Variants in HTR3C observed in about 807,000 individuals in gnomAD.
The protein encoded by HTR3C is 5-HT3-C.
Under a neutral mutation model 40.5 loss-of-function variants are expected in HTR3C, and 32 were observed. The ratio of observed to expected loss-of-function variants is 0.79; its 90% CI spans 0.60 to 1.06. The LOEUF (loss-of-function observed/expected upper bound fraction) is 1.06, where lower values mean the gene tolerates loss of function less well. Ranked by LOEUF, HTR3C falls within the 50% of genes least tolerant of loss-of-function variation. The pLI, the probability that HTR3C is intolerant of heterozygous loss-of-function variation, is 0.00. For synonymous variants in HTR3C, 209 were observed against 217.1 expected, an observed-to-expected ratio of 0.96 and a Z score of 0.33; for missense variants, 523 against 556.8, an observed-to-expected ratio of 0.94 and a Z score of 0.61.
In HTR3C at chr3:184,057,697, T is replaced by A. The variant is rs775560112; in HGVS notation, c.559+653T>A. Among the ~76,000 whole-genome samples the A allele has an allele frequency of 1.5e-4, 23 of 152,116 alleles. 1 individual carries two copies. Among genetic ancestry groups the A allele is most frequent in the Non-Finnish European group, 2.6e-4 (18 of 68,020 alleles). On this transcript the variant is annotated intron_variant, in intron 5 of 8. Coordinates refer to ENST00000318351, the MANE Select transcript of HTR3C (RefSeq NM_130770.3). The stretch of plus-strand genomic sequence containing the variant: ...TTGCAGTGAGCCGAGACTGCACCAC[T>A]GCACTCCAGCCTGGGCGACAGAGCG...
chr3:184,058,298 A>G (rs1723371018), intron 5 of HTR3C, 129 bp from the exon 6 acceptor site: 1 of 881,038 alleles, frequency 1.1e-6, no homozygotes, highest in Non-Finnish European at 1.6e-6. Context: ...CTTCTGAGAA[A>G]ACCAGGATAC....
chr3:184,053,326 C>A (rs1263587906), intron 1 of HTR3C, among the ~76,000 whole-genome samples, 179 bp downstream of exon 1: 2 of 152,232 alleles, frequency 1.3e-5, no homozygotes, highest in South Asian at 4.1e-4. Context: ...TGCACACAGA[C>A]TTTCTCTGTT....
intron 1 of HTR3C, 122 bp downstream of exon 1, chr3:184,053,269 T>A: frequency 1.4e-6 from 1 of 712,220 alleles, no homozygotes. Flanking sequence ...AATGTCTGTG[T>A]CCTGATTTCC....
intron 5 of HTR3C, 97 bp downstream of exon 5, chr3:184,057,141 A>T: frequency 1.2e-6 from 1 of 860,250 alleles, no homozygotes; most frequent in Non-Finnish European, 1.7e-6. Context: ...GTGTTGCTCC[A>T]CTCCGGTGGC....
intron 5 of HTR3C, among the ~76,000 whole-genome samples, chr3:184,057,807 G>A (rs1209771426): frequency 6.6e-6 from 1 of 152,172 alleles, no homozygotes; most frequent in East Asian, 1.9e-4. Flanking sequence ...CCCAGATGCC[G>A]ATTAAATTGT....
intron 1 of HTR3C, 60 bp downstream of exon 1, chr3:184,053,207 C>T (rs1723258823): frequency 1.7e-6 from 2 of 1,205,406 alleles, no homozygotes; most frequent in Non-Finnish European, 2.5e-6. Flanking sequence ...CCTGGACTCA[C>T]CTCTAGCACT....
Position 184,058,425 on chromosome 3 carries a change from AG to A in HTR3C, c.560-1del, listed in dbSNP as rs1723375011. On this transcript the variant is annotated splice_acceptor_variant, in intron 5 of 8. Coordinates refer to ENST00000318351, the MANE Select transcript of HTR3C (RefSeq NM_130770.3). LOFTEE classifies it high-confidence loss of function. Reference sequence around the variant, plus strand: ...CAATGAACTGACCGGCCTCCCTTCCAGTGGACAGCATGCTGCTGGGCATGGA... The same window carrying A: ...CAATGAACTGACCGGCCTCCCTTCCATGGACAGCATGCTGCTGGGCATGGA... 1 of 1,600,830 alleles carries A rather than the reference AG, an allele frequency of 6.2e-7. No individual in the cohort carries two copies. The highest frequency in any genetic ancestry group is 1.4e-5 in the African/African-American group (1 of 74,014).
At chr3:184,055,035 T>C (rs538303405) in intron 2 of HTR3C, 148 bp downstream of exon 2, 6 of 768,842 alleles carry the variant, frequency 7.8e-6, no homozygotes, top group African/African-American at 7.1e-5. Flanking sequence ...TCCTATGCGA[T>C]GGAGAGGCAC....
At chr3:184,058,252 GC>G (rs780985118) in intron 5 of HTR3C, among the ~76,000 whole-genome samples, 174 bp from the exon 6 acceptor site, 3 of 152,170 alleles carry the variant, frequency 2.0e-5, no homozygotes, top group Non-Finnish European at 4.4e-5. Flanking sequence ...TAATGCCGCT[GC>G]CCACACACAT....
rs1325899736 is a variant in HTR3C, at chr3:184,060,563, ACCCT to A, written c.*213_*216del. 8 of 618,082 alleles carry A rather than the reference ACCCT, an allele frequency of 1.3e-5. No homozygotes were observed. The highest frequency in any genetic ancestry group is 2.0e-5 in the Non-Finnish European group (7 of 354,244). The allele number at this position is 618,082 out of a possible 1,614,324, so 38.3% of individuals were successfully genotyped here. On this transcript the variant is annotated 3_prime_UTR_variant, in exon 9 of 9. Transcript: ENST00000318351. ...CTGCTCAGGCTGCTCATTCCTGCTC[ACCCT>A]CAGTCTCCCTGAGCTACCACCTAAC...
Position 184,056,910 on chromosome 3 carries a change from C to A in HTR3C, c.425C>A (p.Ala142Asp). The change falls in exon 5 of 9, where the codon GCC (alanine) becomes GAC (aspartate). Residue 142 changes from alanine (A) to aspartate (D), a missense_variant. By Grantham distance (126) the Ala-to-Asp change is moderately radical. Transcript: ENST00000318351. ...DVDQTPSGLT[A>D]YISSEGRIKY... ...GATCAGACGCCTTCCGGTCTCACTG[C>A]CTATATCAGCAGTGAAGGTCGAATT... 1 of 1,613,220 alleles carries A rather than the reference C, an allele frequency of 6.2e-7. No homozygotes were observed. Among genetic ancestry groups the A allele is most frequent in the Admixed American group, 1.7e-5 (1 of 59,990 alleles).
chr3:184,059,802 T>C (rs749764450), intron 7 of HTR3C, 26 bp from the exon 8 acceptor site: 16 of 1,612,628 alleles, frequency 9.9e-6, no homozygotes, highest in African/African-American at 1.3e-5. Flanking sequence ...TTTGCCTGGT[T>C]TATTTATAAT....
At chr3:184,056,806 G>A (rs1318553943) in intron 4 of HTR3C, 69 bp from the exon 5 acceptor site, 5 of 1,395,694 alleles carry the variant, frequency 3.6e-6, no homozygotes, top group Non-Finnish European at 4.9e-6. Context: ...GCACAGCAGG[G>A]GAGACCCCAG....
chr3:184,059,280 G>T (rs1272599835), intron 6 of HTR3C, among the ~76,000 whole-genome samples, 156 bp from the exon 7 acceptor site: 1 of 152,096 alleles, frequency 6.6e-6, no homozygotes, highest in Non-Finnish European at 1.5e-5. Context: ...CAAATCAGAG[G>T]CCCCTATGTA....
chr3:184,056,432 A>G (rs900307598), intron 4 of HTR3C, 146 bp downstream of exon 4: 27 of 634,860 alleles, frequency 4.3e-5, no homozygotes, highest in Admixed American at 1.1e-4. Flanking sequence ...CGAGTAGAAG[A>G]GGCGAGAGAG....
chr3:184,058,350 A>T (rs1315013707), intron 5 of HTR3C, 77 bp from the exon 6 acceptor site: 3 of 1,426,616 alleles, frequency 2.1e-6, no homozygotes, highest in Non-Finnish European at 2.8e-6. Flanking sequence ...TTAGAAGCTC[A>T]GTGGGGGAGG....
rs768202308 is a variant in HTR3C, at chr3:184,056,939, T to A, written c.454T>A (p.Tyr152Asn). Residue 152 changes from tyrosine (Y) to asparagine (N), a missense_variant, in exon 5 of 9, where the codon TAT becomes AAT. Physicochemically the swap from Tyr to Asn is moderately radical, Grantham distance 143. Transcript: ENST00000318351. The part of the protein sequence containing the change: ...AYISSEGRIK[Y>N]DKPMRVTSIC... The stretch of plus-strand genomic sequence containing the variant: ...TATCAGCAGTGAAGGTCGAATTAAG[T>A]ATGATAAGCCAATGAGGGTGACCAG... 6.2e-7 allele frequency: 1 copy of A among 1,613,768 alleles called. No homozygotes were observed. Among genetic ancestry groups the A allele is most frequent in the Non-Finnish European group, 8.5e-7 (1 of 1,179,846 alleles).
Position 184,056,165 on chromosome 3 carries a change from G to T in HTR3C, c.280-12G>T. The T allele has an allele frequency of 6.4e-7, 1 of 1,562,126 alleles. No homozygotes were observed. Among genetic ancestry groups the T allele is most frequent in the Non-Finnish European group, 8.8e-7 (1 of 1,132,618 alleles). On this transcript the variant is annotated splice_polypyrimidine_tract_variant and intron_variant, in intron 3 of 8. Transcript: ENST00000318351. ...CCGTCACTCACCTCTGTCCCTCACT[G>T]CCCTGATGCAGGTATGGGACAATCC...
rs1576988149 is a variant in HTR3C at position 184,056,957 on chromosome 3, G to A, written c.472G>A (p.Val158Met). 6.2e-7 allele frequency: 1 copy of A among 1,613,582 alleles called. No homozygotes were observed. The highest frequency in any genetic ancestry group is 2.2e-5 in the East Asian group (1 of 44,864). ...AATTAAGTATGATAAGCCAATGAGG[G>A]TGACCAGCATCTGTAACCTGGACAT... ...GRIKYDKPMR[V>M]TSICNLDIFY... The change falls in exon 5 of 9, where the codon GTG (valine) becomes ATG (methionine). Residue 158 changes from valine (V) to methionine (M), a missense_variant. Val to Met is a conservative substitution (Grantham distance 21). Transcript: ENST00000318351.
Sources: allele counts gnomAD v4.1 joint callset (sites outside exome capture counted in the v4.1 genomes callset), GRCh38; gene constraint gnomAD v4.1.1; transcripts MANE v1.5; gene names NCBI Gene and HGNC (gene_info 2026-07-23, HGNC 2026-07-21).